The following EXOC6B variants were observed in gnomAD, a reference collection of about 807,000 sequenced individuals.
EXOC6B encodes the protein exocyst complex component 6B.
In EXOC6B, 54 loss-of-function variants were observed where a neutral mutation model predicts 113.5. The ratio of observed to expected loss-of-function variants is 0.48; its 90% confidence interval spans 0.38 to 0.60. EXOC6B has a LOEUF of 0.60. Among genes scored for constraint, EXOC6B ranks in the 20% least tolerant of loss-of-function variants. The pLI, the probability that EXOC6B is intolerant of heterozygous loss-of-function variation, is 0.00. For missense variants in EXOC6B, 797 were observed against 977.5 expected, an observed-to-expected ratio of 0.82 and a Z score of 2.46; for synonymous variants, 357 against 339.0, an observed-to-expected ratio of 1.05 and a Z score of -0.58.
intron 1 of EXOC6B, among the ~76,000 whole-genome samples, chr2:72,800,558 C>T (rs964575631): frequency 5.3e-5 from 8 of 152,022 alleles, no homozygotes; most frequent in African/African-American, 1.4e-4. Context: ...TTAATAAAAG[C>T]GCTGACTACA....
intron 8 of EXOC6B, among the ~76,000 whole-genome samples, chr2:72,545,572 A>G (rs562357298): frequency 2.6e-5 from 4 of 152,218 alleles, no homozygotes; most frequent in East Asian, 1.9e-4. Context: ...TCATAACACA[A>G]TTCAGAGTGA....
At chr2:72,407,197 A>G (rs1414352974) in intron 18 of EXOC6B, among the ~76,000 whole-genome samples, 2 of 152,168 alleles carry the variant, frequency 1.3e-5, no homozygotes, top group Non-Finnish European at 2.9e-5. Flanking sequence ...GACCAATAAC[A>G]GGCTCTGAAA....
chr2:72,276,327 A>T (rs1684808308), intron 20 of EXOC6B, among the ~76,000 whole-genome samples: 1 of 152,152 alleles, frequency 6.6e-6, no homozygotes, highest in Admixed American at 6.5e-5. Flanking sequence ...CCTGGGACAA[A>T]AGCTGAATTC....
chr2:72,341,051 A>G (rs1228681154), intron 19 of EXOC6B, among the ~76,000 whole-genome samples: 1 of 152,196 alleles, frequency 6.6e-6, no homozygotes, highest in African/African-American at 2.4e-5. Context: ...TTGGAGATTC[A>G]TCTGAGTATA....
intron 20 of EXOC6B, among the ~76,000 whole-genome samples, chr2:72,229,478 T>G (rs1647062397): frequency 6.6e-6 from 1 of 152,178 alleles, no homozygotes; most frequent in African/African-American, 2.4e-5. Context: ...CAACAATTTA[T>G]GGTTCTAACA....
intron 6 of EXOC6B, among the ~76,000 whole-genome samples, chr2:72,605,902 C>T (rs1670725124): frequency 1.3e-5 from 2 of 152,072 alleles, no homozygotes; most frequent in African/African-American, 4.8e-5. Context: ...AAAGATAACA[C>T]TCTCGATATG....
chr2:72,367,184 T>G (rs1270902222), intron 19 of EXOC6B, among the ~76,000 whole-genome samples: 1 of 152,138 alleles, frequency 6.6e-6, no homozygotes, highest in African/African-American at 2.4e-5. Flanking sequence ...AATACTTTTG[T>G]AAGATTCTTA....
chr2:72,676,178 G>A (rs937831970), intron 6 of EXOC6B, among the ~76,000 whole-genome samples: 3 of 151,002 alleles, frequency 2.0e-5, no homozygotes, highest in Non-Finnish European at 3.0e-5. Flanking sequence ...TTTGAGAAGG[G>A]AAAAAAATCA....
At chr2:72,650,209 G>C (rs1162593232) in intron 6 of EXOC6B, among the ~76,000 whole-genome samples, 1 of 152,212 alleles carries the variant, frequency 6.6e-6, no homozygotes, top group Non-Finnish European at 1.5e-5. Flanking sequence ...AGTTGGAATA[G>C]TTTCATCCCG....
chr2:72,177,082 A>G lies in EXOC6B; in HGVS notation c.*2253T>C, dbSNP rs1677778327. 6.6e-6 allele frequency: 1 copy of G among 152,116 alleles called. No homozygotes were observed. The highest frequency in any genetic ancestry group is 1.9e-4 in the East Asian group (1 of 5,186). The allele number at this position is 152,116 out of a possible 1,614,324, so 9.4% of individuals were successfully genotyped here. ...CAGTAGCTGCATGTTGTTTTTTGTT[A>G]GATAAGGTGAAGGCAGACTAAGAAT... On this transcript the variant is annotated 3_prime_UTR_variant, in exon 22 of 22. Coordinates refer to ENST00000272427, the MANE Select transcript of EXOC6B (RefSeq NM_015189.3).
intron 6 of EXOC6B, among the ~76,000 whole-genome samples, chr2:72,674,152 G>A (rs1044565702): frequency 2.0e-5 from 3 of 152,144 alleles, no homozygotes; most frequent in Non-Finnish European, 2.9e-5. Flanking sequence ...TTGATTTTAT[G>A]AGACTCTATA....
intron 20 of EXOC6B, among the ~76,000 whole-genome samples, chr2:72,251,863 CATTAG>C (rs1683039004): frequency 6.6e-6 from 1 of 152,174 alleles, no homozygotes; most frequent in African/African-American, 2.4e-5. Context: ...TCAACATCAA[CATTAG>C]ATAACTAGTT....
chr2:72,411,770 G>C (rs1694203881), intron 18 of EXOC6B, among the ~76,000 whole-genome samples: 1 of 152,094 alleles, frequency 6.6e-6, no homozygotes, highest in Non-Finnish European at 1.5e-5. Context: ...GGAAACATGA[G>C]TTTCCACAGT....
At chr2:72,503,975 G>A (rs546302554) in intron 11 of EXOC6B, among the ~76,000 whole-genome samples, 4 of 151,980 alleles carry the variant, frequency 2.6e-5, no homozygotes, top group African/African-American at 9.7e-5. Flanking sequence ...GGATACGATC[G>A]TGGCTCACTA....
intron 6 of EXOC6B, among the ~76,000 whole-genome samples, chr2:72,652,034 T>C (rs1674203110): frequency 6.6e-6 from 1 of 152,182 alleles, no homozygotes. Context: ...TTCTAAATAA[T>C]CTGTGATCTC....
chr2:72,415,372 A>T (rs1458664579), intron 18 of EXOC6B, among the ~76,000 whole-genome samples: 1 of 152,112 alleles, frequency 6.6e-6, no homozygotes, highest in East Asian at 1.9e-4. Flanking sequence ...TTAAAGGCTG[A>T]CTCATTGTGG....
intron 6 of EXOC6B, among the ~76,000 whole-genome samples, chr2:72,669,119 C>A (rs1056798267): frequency 1.3e-5 from 2 of 151,718 alleles, no homozygotes; most frequent in African/African-American, 4.8e-5. Context: ...AAAATAAATT[C>A]TATTAGTTTA....
intron 20 of EXOC6B, among the ~76,000 whole-genome samples, chr2:72,202,980 C>T (rs566630613): frequency 8.5e-5 from 13 of 152,206 alleles, no homozygotes; most frequent in African/African-American, 1.2e-4. Context: ...CAGTTCACGA[C>T]GTTCATCGTT....
At chr2:72,375,638 A>C (rs1367881625) in intron 19 of EXOC6B, among the ~76,000 whole-genome samples, 1 of 152,212 alleles carries the variant, frequency 6.6e-6, no homozygotes, top group African/African-American at 2.4e-5. Context: ...GACATATCAA[A>C]ATTTGTATAC....
Sources: allele counts gnomAD v4.1 joint callset (sites outside exome capture counted in the v4.1 genomes callset), GRCh38; gene constraint gnomAD v4.1.1; transcripts MANE v1.5; gene names NCBI Gene and HGNC (gene_info 2026-07-23, HGNC 2026-07-21).